The following XRN2 variants were observed in gnomAD, a reference collection of about 807,000 sequenced individuals.
XRN2 encodes the protein 5'-3' exoribonuclease 2, also known as DHM1-like protein.
In XRN2, 44 loss-of-function variants were observed where a neutral mutation model predicts 138.5. The observed-to-expected ratio is 0.32, with a 90% CI of 0.25 to 0.41. The LOEUF (loss-of-function observed/expected upper bound fraction) is 0.41. Among genes scored for constraint, XRN2 ranks in the 10% least tolerant of loss-of-function variants. The pLI, the probability that XRN2 is intolerant of heterozygous loss-of-function variation, is 1.00. For synonymous variants in XRN2, 354 were observed against 369.4 expected (o/e 0.96, Z 0.48); for missense variants, 937 against 1,169.3 (o/e 0.80, Z 2.90).
chr20:21,352,848 A>G (rs1030991079), intron 20 of XRN2, among the ~76,000 whole-genome samples: 1 of 152,140 alleles, frequency 6.6e-6, no homozygotes, highest in African/African-American at 2.4e-5. Flanking sequence ...AGTTATTACC[A>G]GTACTTGGGC....
rs1210784611 is a variant in XRN2 at position 21,365,686 on chromosome 20, C to T, written c.2438C>T (p.Ala813Val). The change falls in exon 26 of 30, where the codon GCA becomes GTA. Residue 813 changes from alanine (A) to valine (V), a missense_variant. By Grantham distance (64) the Ala-to-Val change is moderately conservative. Transcript: ENST00000377191. ...RDRRPVHLDQ[A>V]AFRTLGHVMP... ...CGGAGGCCTGTGCACCTGGATCAGG[C>T]AGCCTTCAGGACTTTGGGGTGAGTT... 6.4e-7 allele frequency: 1 copy of T among 1,572,300 alleles called. No homozygotes were observed. The highest frequency in any genetic ancestry group is 2.3e-5 in the East Asian group (1 of 44,076).
At chr20:21,319,452 C>G (rs962538977) in intron 1 of XRN2, among the ~76,000 whole-genome samples, 1 of 151,876 alleles carries the variant, frequency 6.6e-6, no homozygotes, top group African/African-American at 2.4e-5. Context: ...CTCTATTTCT[C>G]CTTTGTGCTT....
chr20:21,311,529 G>GGT (rs2037880714), intron 1 of XRN2, among the ~76,000 whole-genome samples: 1 of 152,084 alleles, frequency 6.6e-6, no homozygotes, highest in African/African-American at 2.4e-5. Flanking sequence ...TATGCACATT[G>GGT]GTGTACAAGT....
rs574181433 is a variant in XRN2 at position 21,321,989 on chromosome 20, A to G, written c.76-4290A>G. Among the ~76,000 whole-genome samples the G allele has an allele frequency of 2.0e-3, 303 of 152,322 alleles. 1 individual carries two copies. The highest frequency in any genetic ancestry group is 6.7e-3 in the African/African-American group (280 of 41,576). ...TGAAATTACAATTAATTAGTCTAAC[A>G]TACTGGTTAAGGTACCATCTCTGAG... On this transcript the variant is annotated intron_variant, in intron 1 of 29. Transcript: ENST00000377191.
At chr20:21,332,509 TAA>T in intron 9 of XRN2, 69 bp downstream of exon 9, 2 of 1,414,062 alleles carry the variant, frequency 1.4e-6, no homozygotes, top group Non-Finnish European at 1.9e-6. Flanking sequence ...GTATATGACA[TAA>T]AATATCATTT....
intron 24 of XRN2, among the ~76,000 whole-genome samples, chr20:21,359,260 G>A (rs914459570): frequency 6.6e-6 from 1 of 152,098 alleles, no homozygotes; most frequent in Non-Finnish European, 1.5e-5. Context: ...GGCCGGGCGC[G>A]GTGGCTCACA....
At position 21,330,745 on chromosome 20, in the gene XRN2, A is replaced by C. The variant is rs768111860; in HGVS notation, c.576+40A>C. 3.2e-6 allele frequency: 5 copies of C among 1,556,290 alleles called. No homozygotes were observed. In the South Asian group the frequency reaches 5.6e-5, roughly 17 times the overall value. ...TTGATACTTCAGAAAGATTAGGGTG[A>C]TCATTCGAGGCTGTACTTTGATATG... On this transcript the variant is annotated intron_variant, in intron 6 of 29. Transcript: ENST00000377191.
At chr20:21,354,734 T>C in intron 20 of XRN2, 55 bp from the exon 21 acceptor site, 1 of 1,527,532 alleles carries the variant, frequency 6.5e-7, no homozygotes, top group Non-Finnish European at 9.1e-7. Context: ...AATGATAAGT[T>C]GGAATTTGGG....
intron 24 of XRN2, among the ~76,000 whole-genome samples, chr20:21,363,844 G>A (rs1426695312): frequency 6.6e-6 from 1 of 152,186 alleles, no homozygotes; most frequent in African/African-American, 2.4e-5. Flanking sequence ...CTAACTTATA[G>A]AGAAAAATCA....
At chr20:21,380,273 T>C (rs1462925903) in intron 27 of XRN2, among the ~76,000 whole-genome samples, 4 of 152,226 alleles carry the variant, frequency 2.6e-5, no homozygotes, top group African/African-American at 7.2e-5. Context: ...ACATTTTAAC[T>C]GATTCTCACT....
In XRN2 at chr20:21,305,906, C is replaced by T. The variant is rs1178822433; in HGVS notation, c.75+2433C>T. On this transcript the variant is annotated intron_variant, in intron 1 of 29. Coordinates refer to ENST00000377191, the MANE Select transcript of XRN2 (RefSeq NM_012255.5). The stretch of plus-strand genomic sequence containing the variant: ...CTGGGACTACAGGCGCCCGCCACCA[C>T]GCCTGGCTAATTTTTTTGTACTTTT... Among the ~76,000 whole-genome samples the T allele has an allele frequency of 2.4e-4, 17 of 69,768 alleles. 6 individuals are homozygous for T. The highest frequency in any genetic ancestry group is 8.7e-4 in the Admixed American group (5 of 5,734). 45.8% of individuals were successfully genotyped at this position (69,768 alleles called of 152,430 possible). A position where few individuals can be genotyped will look rare whatever the true frequency, so the allele number is the denominator to read the frequency against.
At chr20:21,366,992 A>G (rs935418083) in intron 26 of XRN2, among the ~76,000 whole-genome samples, 1 of 152,212 alleles carries the variant, frequency 6.6e-6, no homozygotes, top group Non-Finnish European at 1.5e-5. Context: ...TAATTAATGT[A>G]TGATGGAGAC....
intron 1 of XRN2, among the ~76,000 whole-genome samples, chr20:21,314,056 C>G (rs1483634449): frequency 6.6e-6 from 1 of 152,210 alleles, no homozygotes; most frequent in South Asian, 2.1e-4. Flanking sequence ...TGAAAAGAAA[C>G]TTGTACCCTT....
intron 27 of XRN2, among the ~76,000 whole-genome samples, chr20:21,372,275 G>T (rs2038772009): frequency 6.6e-6 from 1 of 152,086 alleles, no homozygotes; most frequent in South Asian, 2.1e-4. Flanking sequence ...CAAAAAATTG[G>T]CAATCATGTG....
chr20:21,354,744 GT>G, intron 20 of XRN2, 44 bp from the exon 21 acceptor site: 1 of 1,573,032 alleles, frequency 6.4e-7, no homozygotes, highest in Non-Finnish European at 8.7e-7. Flanking sequence ...TGGAATTTGG[GT>G]GATCCTGGTA....
At chr20:21,326,851 A>G (rs1600681756) in intron 3 of XRN2, among the ~76,000 whole-genome samples, 1 of 152,188 alleles carries the variant, frequency 6.6e-6, no homozygotes, top group Non-Finnish European at 1.5e-5. Context: ...CTTACTGTCA[A>G]AGGGAAGGAG....
chr20:21,331,551 T>G lies in XRN2; in HGVS notation c.577-10T>G, dbSNP rs937127985. 5.6e-6 allele frequency: 9 copies of G among 1,607,444 alleles called. No homozygotes were observed. The highest frequency in any genetic ancestry group is 5.1e-6 in the Non-Finnish European group (6 of 1,177,718). Reference sequence around the variant, plus strand: ...GGGATAATCTGAAAGTGTTAACAATTTTTTTATAGGTTATTTTATCTGATG... The same window carrying G: ...GGGATAATCTGAAAGTGTTAACAATGTTTTTATAGGTTATTTTATCTGATG... On this transcript the variant is annotated splice_polypyrimidine_tract_variant and intron_variant, in intron 6 of 29. Coordinates refer to ENST00000377191, the MANE Select transcript of XRN2 (RefSeq NM_012255.5).
At chr20:21,378,400 A>G (rs1172817697) in intron 27 of XRN2, among the ~76,000 whole-genome samples, 4 of 152,196 alleles carry the variant, frequency 2.6e-5, no homozygotes, top group Non-Finnish European at 5.9e-5. Context: ...GACAGCATAA[A>G]TGAATGTGAA....
chr20:21,341,226 G>A (rs886193972), intron 15 of XRN2, among the ~76,000 whole-genome samples: 19 of 152,192 alleles, frequency 1.2e-4, no homozygotes, highest in African/African-American at 4.6e-4. Flanking sequence ...CTAGAAGCTT[G>A]TCAAGGGACA....
Sources: allele counts gnomAD v4.1 joint callset (sites outside exome capture counted in the v4.1 genomes callset), GRCh38; gene constraint gnomAD v4.1.1; transcripts MANE v1.5; gene names NCBI Gene and HGNC (gene_info 2026-07-23, HGNC 2026-07-21).